MAD1L1: variants seen among roughly 807,000 people sequenced by gnomAD.
MAD1L1 encodes the protein mitotic arrest deficient 1 like 1.
A neutral mutation model predicts 96.9 loss-of-function variants in MAD1L1; 95 were observed. The ratio of observed to expected loss-of-function variants is 0.98; its 90% CI spans 0.83 to 1.16. The LOEUF (loss-of-function observed/expected upper bound fraction) is 1.16, where lower values mean the gene tolerates loss of function less well. MAD1L1 is among the 50% of genes most tolerant of loss of function. The probability of loss-of-function intolerance (pLI) is 0.00; values close to 1 mark genes in which losing one functional copy is unlikely to be tolerated. For synonymous variants in MAD1L1, 473 were observed against 396.6 expected (o/e 1.19, Z -2.29); for missense variants, 1,007 against 954.4 (o/e 1.06, Z -0.73).
Position 1,881,878 on chromosome 7 carries a change from T to C in MAD1L1, c.1998+16322A>G, listed in dbSNP as rs1003248573. 4.6e-5 allele frequency among the ~76,000 whole-genome samples: 7 copies of C among 152,142 alleles called. No individual in the cohort carries two copies. The South Asian group carries it at 1.5e-3, about 32-fold the overall frequency. ...ACATACTTCATTAAGCCATGAGGAA[T>C]TCTCTATGCGGATATGAGGAACGCT... On this transcript the variant is annotated intron_variant, in intron 18 of 18. Transcript: ENST00000265854.
chr7:1,922,741 C>T (rs999628679), intron 17 of MAD1L1, among the ~76,000 whole-genome samples: 1 of 152,180 alleles, frequency 6.6e-6, no homozygotes, highest in Non-Finnish European at 1.5e-5. Context: ...GCCAGGTCTG[C>T]GGTGAGCTGC....
chr7:2,178,638 T>G (rs1346745483), intron 10 of MAD1L1, among the ~76,000 whole-genome samples: 1 of 152,184 alleles, frequency 6.6e-6, no homozygotes. Flanking sequence ...GGCTCACGCC[T>G]GTAATCCTAG....
chr7:2,084,339 A>G (rs1785803506), intron 11 of MAD1L1, among the ~76,000 whole-genome samples: 1 of 152,232 alleles, frequency 6.6e-6, no homozygotes. Flanking sequence ...GGGCAGCGCG[A>G]GGCCAGGAAT....
At chr7:1,882,057 ACCTGG>A (rs1785713868) in intron 18 of MAD1L1, among the ~76,000 whole-genome samples, 2 of 151,696 alleles carry the variant, frequency 1.3e-5, no homozygotes, top group African/African-American at 4.8e-5. Flanking sequence ...GCCTGCTTGA[ACCTGG>A]CGGTGGGCAG....
rs575471906 is a variant in MAD1L1 at position 2,198,502 on chromosome 7, T to G, written c.986+14710A>C. ...CAGCCACACACAACACCAGGAGCGC[T>G]GGCATCGCCGGAGCAAGGAGCCCGT... On this transcript the variant is annotated intron_variant, in intron 10 of 18. Transcript: ENST00000265854. 2.5e-3 allele frequency among the ~76,000 whole-genome samples: 382 copies of G among 152,318 alleles called. 1 individual carries two copies. The highest frequency in any genetic ancestry group is 8.8e-3 in the African/African-American group (365 of 41,572).
intron 12 of MAD1L1, among the ~76,000 whole-genome samples, chr7:2,039,678 T>C (rs1457071450): frequency 6.6e-6 from 1 of 152,218 alleles, no homozygotes; most frequent in Non-Finnish European, 1.5e-5. Flanking sequence ...TCTATATCTT[T>C]TGCTTGTTTG....
intron 18 of MAD1L1, among the ~76,000 whole-genome samples, chr7:1,830,291 G>A (rs1309112822): frequency 6.6e-6 from 1 of 152,234 alleles, no homozygotes; most frequent in Non-Finnish European, 1.5e-5. Flanking sequence ...CAGCTACTCG[G>A]GAGGCTGAGG....
intron 13 of MAD1L1, among the ~76,000 whole-genome samples, chr7:2,003,691 G>A (rs1329610257): frequency 6.6e-6 from 1 of 152,174 alleles, no homozygotes; most frequent in Non-Finnish European, 1.5e-5. Flanking sequence ...GTGGATGAGG[G>A]GAAGGCCTTG....
intron 10 of MAD1L1, among the ~76,000 whole-genome samples, chr7:2,209,793 C>T (rs973118203): frequency 2.0e-5 from 3 of 152,220 alleles, no homozygotes; most frequent in African/African-American, 7.2e-5. Flanking sequence ...GCCACAGAGC[C>T]CTCTGCTTCC....
At chr7:2,161,186 C>T (rs1192838488) in intron 10 of MAD1L1, among the ~76,000 whole-genome samples, 1 of 147,500 alleles carries the variant, frequency 6.8e-6, no homozygotes, top group East Asian at 2.0e-4. Context: ...GCCGCCATCT[C>T]GACTCACTGC....
intron 17 of MAD1L1, among the ~76,000 whole-genome samples, chr7:1,936,247 C>A (rs751185970): frequency 1.3e-5 from 2 of 152,240 alleles, no homozygotes; most frequent in Non-Finnish European, 2.9e-5. Context: ...GCCCTGCTGG[C>A]CCTCATGGAG....
intron 10 of MAD1L1, among the ~76,000 whole-genome samples, chr7:2,206,128 T>A (rs1792585496): frequency 6.6e-6 from 1 of 152,144 alleles, no homozygotes; most frequent in African/African-American, 2.4e-5. Flanking sequence ...CAAGATTCCA[T>A]CTCCAAAAAA....
In MAD1L1 at chr7:1,926,786, G is replaced by A. The variant is rs139370785; in HGVS notation, c.1807+9901C>T. 5.0e-3 allele frequency among the ~76,000 whole-genome samples: 766 copies of A among 152,336 alleles called. 8 individuals are homozygous for A. Among genetic ancestry groups the A allele is most frequent in the African/African-American group, 0.017 (708 of 41,578 alleles). ...TGCAGCTAGCAGCACGCCTCATGGA[G>A]GAGGATGGACTGCTCTCCCTGCAAG... On this transcript the variant is annotated intron_variant, in intron 17 of 18. Transcript: ENST00000265854.
intron 16 of MAD1L1, among the ~76,000 whole-genome samples, chr7:1,946,852 T>C (rs1024647232): frequency 1.3e-5 from 2 of 152,244 alleles, no homozygotes; most frequent in Non-Finnish European, 2.9e-5. Flanking sequence ...GCTCCCGGGC[T>C]GCCTTGTAAG....
Position 1,860,313 on chromosome 7 carries a change from T to C in MAD1L1, c.1998+37887A>G, listed in dbSNP as rs13307902. 1.6e-3 allele frequency among the ~76,000 whole-genome samples: 166 copies of C among 107,018 alleles called. 1 individual carries two copies. Among genetic ancestry groups the C allele is most frequent in the African/African-American group, 4.6e-3 (116 of 25,280 alleles). The allele number at this position is 107,018 out of a possible 152,430, so 70.2% of individuals were successfully genotyped here. A position where few individuals can be genotyped will look rare whatever the true frequency, so the allele number is the denominator to read the frequency against. The stretch of plus-strand genomic sequence containing the variant: ...CCTCTGTGTCCCTAGACCTGACATC[T>C]GGCGGGGCGGCCTCTGTCTCCCTAG... On this transcript the variant is annotated intron_variant, in intron 18 of 18. Transcript: ENST00000265854.
In MAD1L1 at chr7:2,103,503, G is replaced by A. The variant is rs1439623946; in HGVS notation, c.1074-34165C>T. Among the ~76,000 whole-genome samples the A allele has an allele frequency of 2.0e-5, 3 of 152,056 alleles. No homozygotes were observed. The highest frequency in any genetic ancestry group is 6.5e-5 in the Admixed American group (1 of 15,268). ...CCCGCCCCCGAGGCCACTGCACAGC[G>A]GCGGGGCTCTCGACCACCGTGCTCT... On this transcript the variant is annotated intron_variant, in intron 11 of 18. Coordinates refer to ENST00000265854, the MANE Select transcript of MAD1L1 (RefSeq NM_001013836.2). The surrounding 1 kb of genome is among the most constrained non-coding windows in gnomAD (Gnocchi z 4.3).
chr7:1,819,019 C>T (rs1297440608), intron 18 of MAD1L1, among the ~76,000 whole-genome samples: 5 of 152,098 alleles, frequency 3.3e-5, no homozygotes, highest in African/African-American at 4.8e-5. Flanking sequence ...CCCCAGCGTA[C>T]CCAGCCACAT....
intron 10 of MAD1L1, among the ~76,000 whole-genome samples, chr7:2,164,667 T>C (rs1163160701): frequency 6.7e-6 from 1 of 149,358 alleles, no homozygotes; most frequent in African/African-American, 2.5e-5. Flanking sequence ...AAATCAATTG[T>C]AGAAACATAT....
At chr7:2,111,670 T>C (rs1431817364) in intron 11 of MAD1L1, among the ~76,000 whole-genome samples, 16 of 152,134 alleles carry the variant, frequency 1.1e-4, no homozygotes, top group Admixed American at 1.0e-3. Flanking sequence ...TGACGCCAGG[T>C]TGGGGCCAGC....
Sources: allele counts gnomAD v4.1 joint callset (sites outside exome capture counted in the v4.1 genomes callset), GRCh38; gene constraint gnomAD v4.1.1; non-coding constraint Gnocchi (gnomAD v3.1); transcripts MANE v1.5; gene names NCBI Gene and HGNC (gene_info 2026-07-23, HGNC 2026-07-21).